SLC15A3: variants seen among roughly 807,000 people sequenced by gnomAD.
SLC15A3 encodes osteoclast transporter.
SLC15A3 carries 39 observed loss-of-function variants against 49.2 expected under a neutral mutation model. The ratio of observed to expected loss-of-function variants is 0.79; its 90% CI spans 0.61 to 1.04. The LOEUF (loss-of-function observed/expected upper bound fraction) is 1.04, where lower values mean the gene tolerates loss of function less well. Among genes scored for constraint, SLC15A3 ranks in the 50% least tolerant of loss-of-function variants. SLC15A3 has a pLI of 0.00. For missense variants in SLC15A3, 758 were observed against 794.8 expected (o/e 0.95, Z 0.56); for synonymous variants, 339 against 367.0 (o/e 0.92, Z 0.87).
At chr11:60,943,982 A>G in intron 2 of SLC15A3, 146 bp from the exon 3 acceptor site, 12 of 723,066 alleles carry the variant, frequency 1.7e-5, no homozygotes, top group Non-Finnish European at 2.2e-5. Flanking sequence ...AGATGATGAA[A>G]CTCCGTCCCT....
chr11:60,938,702 G>A (rs1033053842), intron 6 of SLC15A3, among the ~76,000 whole-genome samples: 1 of 152,002 alleles, frequency 6.6e-6, no homozygotes, highest in African/African-American at 2.4e-5. Context: ...CTTCCCAAAG[G>A]CTTGGGCCTT....
Position 60,951,572 on chromosome 11 carries a change from C to T in SLC15A3, c.-21G>A. 8.8e-7 allele frequency: 1 copy of T among 1,135,966 alleles called. No individual in the cohort carries two copies. Among genetic ancestry groups the T allele is most frequent in the Non-Finnish European group, 1.1e-6 (1 of 926,482 alleles). 70.4% of individuals were successfully genotyped at this position (1,135,966 alleles called of 1,614,324 possible). ...GGCATCCTGGCTCCGGGCTGGGCCC[C>T]CCGCGGCTCTTCTCTCCTCTCCTCT... On this transcript the variant is annotated 5_prime_UTR_variant, in exon 1 of 8. Transcript: ENST00000227880.
intron 2 of SLC15A3, among the ~76,000 whole-genome samples, chr11:60,945,372 A>C (rs1442714778): frequency 6.6e-6 from 1 of 152,198 alleles, no homozygotes; most frequent in Non-Finnish European, 1.5e-5. Flanking sequence ...AAATGACTGC[A>C]ACCCCAGTGC....
Position 60,946,634 on chromosome 11 carries a change from G to A in SLC15A3, c.746C>T (p.Pro249Leu), listed in dbSNP as rs1234049488. The A allele has an allele frequency of 1.2e-6, 2 of 1,614,078 alleles. No homozygotes were observed. Among genetic ancestry groups the A allele is most frequent in the Admixed American group, 1.7e-5 (1 of 60,026 alleles). The change falls in exon 2 of 8, where the codon CCC becomes CTC. Residue 249 changes from proline to leucine, a missense_variant. Physicochemically the swap from Pro to Leu is moderately conservative, Grantham distance 98. Transcript: ENST00000227880. ...CATCGGGGGCTTGGTGATGAAGACG[G>A]GGGTGGCAAAGAGGAAGATGAAAAA... Reference protein sequence around the residue: ...LAFFIFLFATPVFITKPPMGS... With the variant: ...LAFFIFLFATLVFITKPPMGS...
rs549369277 is a variant in SLC15A3, at chr11:60,948,549, A to G, written c.559-1728T>C. 4.2e-3 allele frequency among the ~76,000 whole-genome samples: 555 copies of G among 131,002 alleles called. 2 individuals are homozygous for G. Among genetic ancestry groups the G allele is most frequent in the Non-Finnish European group, 6.9e-3 (442 of 64,172 alleles). The allele number at this position is 131,002 out of a possible 152,430, so 85.9% of individuals were successfully genotyped here. On this transcript the variant is annotated intron_variant, in intron 1 of 7. Coordinates refer to ENST00000227880, the MANE Select transcript of SLC15A3 (RefSeq NM_016582.3). ...ACATCCCCATCTGACTGCCCCCCTG[A>G]ATTCTGCAGCCGCTTCCTGCCTGTT...
rs182999629 is a variant in SLC15A3 at position 60,941,199 on chromosome 11, C to T, written c.1199G>A (p.Arg400Gln). The T allele has an allele frequency of 1.4e-4, 219 of 1,614,132 alleles. No individual in the cohort carries two copies. In the East Asian group the frequency reaches 3.9e-3, roughly 29 times the overall value. ...CAGAGCAGAGGGAAGCAGCTTGCAC[C>T]GCAGCAGTAAAGGGTCGATCAAGCG... ...KDRLIDPLLL[R>Q]CKLLPSALQK... Residue 400 changes from arginine (R) to glutamine (Q), a missense_variant, in exon 5 of 8, where the codon CGG becomes CAG. Physicochemically the swap from Arg to Gln is conservative, Grantham distance 43. Around this residue, in one of 3 missense-constraint regions of SLC15A3, gnomAD observed 699 missense variants for 706.7 expected, o/e 0.99. Transcript: ENST00000227880.
At position 60,943,759 on chromosome 11, in the gene SLC15A3, TTGGCGA is replaced by T. The variant is rs1371750094; in HGVS notation, c.920_925del (p.Ile307_Ala308del). 6.2e-7 allele frequency: 1 copy of T among 1,605,946 alleles called. No homozygotes were observed. Among genetic ancestry groups the T allele is most frequent in the South Asian group, 1.1e-5 (1 of 89,560 alleles). On this transcript the variant is annotated inframe_deletion, in exon 3 of 8. Transcript: ENST00000227880. ...CAAGATCTTCACCAGCACCTGGAAGTTGGCGATGTCCTCTTGCGGGGAAGCCCCTGG... is the reference window on the plus strand; with the variant it reads ...CAAGATCTTCACCAGCACCTGGAAGTTGTCCTCTTGCGGGGAAGCCCCTGG...
rs141758819 is a variant in SLC15A3, at chr11:60,948,437, T to C, written c.559-1616A>G. On this transcript the variant is annotated intron_variant, in intron 1 of 7. Transcript: ENST00000227880. ...CAGATGCTTTGTCGAGAGTGATGGATGGCCCTTTCTGAAATCAGCAAGTAT... is the reference window on the plus strand; with the variant it reads ...CAGATGCTTTGTCGAGAGTGATGGACGGCCCTTTCTGAAATCAGCAAGTAT... Among the ~76,000 whole-genome samples, 672 of 152,334 alleles carry C rather than the reference T, an allele frequency of 4.4e-3. 2 individuals carry two copies. The highest frequency in any genetic ancestry group is 0.015 in the African/African-American group (641 of 41,566).
At position 60,946,606 on chromosome 11, in the gene SLC15A3, GC is replaced by G. The variant is rs1200725934; in HGVS notation, c.773del (p.Gly258AlafsTer57). On this transcript the variant is annotated frameshift_variant, in exon 2 of 8. Coordinates refer to ENST00000227880, the MANE Select transcript of SLC15A3 (RefSeq NM_016582.3). LOFTEE classifies it high-confidence loss of function. ...GCTTAAGCATAGAGGACACTTGGCT[GC>G]CCATCGGGGGCTTGGTGATGAAGAC... Reference protein sequence around the residue: ...TPVFITKPPMGSQVSSMLKLA... With the variant: ...TPVFITKPPMXSQVSSMLKLA... The G allele has an allele frequency of 4.3e-6, 7 of 1,613,374 alleles. No homozygotes were observed. Among genetic ancestry groups the G allele is most frequent in the Non-Finnish European group, 5.9e-6 (7 of 1,179,432 alleles).
chr11:60,943,745 C>T lies in SLC15A3; in HGVS notation c.940G>A (p.Val314Met), dbSNP rs759056487. 12 of 1,605,686 alleles carry T rather than the reference C, an allele frequency of 7.5e-6. No individual in the cohort carries two copies. The highest frequency in any genetic ancestry group is 9.4e-6 in the Non-Finnish European group (11 of 1,175,718). The part of the protein sequence containing the change: ...QEDIANFQVL[V>M]KILPVMVTLV... ...GTCACCATGACGGGCAAGATCTTCA[C>T]CAGCACCTGGAAGTTGGCGATGTCC... Residue 314 changes from valine to methionine, a missense_variant, in exon 3 of 8, where the codon GTG (valine) becomes ATG (methionine). Val to Met is a conservative substitution (Grantham distance 21). Transcript: ENST00000227880.
rs1168192519 is a variant in SLC15A3, at chr11:60,942,059, C to T, written c.1083G>A (p.Leu361=). The change falls in exon 4 of 8, where the codon CTG becomes CTA. Residue 361 remains leucine, a synonymous_variant. Transcript: ENST00000227880. ...CCGTGTAGCTGCTGCCCTGGGCTCT[C>T]AGGGCCACAGAGATGTTGGCCGGGT... ...PANPANISVA[L]RAQGSSYTIP... The T allele has an allele frequency of 4.3e-6, 7 of 1,614,020 alleles. No individual in the cohort carries two copies. The highest frequency in any genetic ancestry group is 5.9e-6 in the Non-Finnish European group (7 of 1,180,008).
intron 4 of SLC15A3, 170 bp downstream of exon 4, chr11:60,941,865 A>G (rs1590637575): frequency 1.5e-6 from 1 of 646,594 alleles, no homozygotes; most frequent in East Asian, 2.7e-5. Context: ...TCTTGGCAGG[A>G]TCCCTGCGCT....
chr11:60,937,997 C>G lies in SLC15A3; in HGVS notation c.1464G>C (p.Pro488=), dbSNP rs757007385. ...PGLEFAYSEA[P]RSMQGAIMGI... The stretch of plus-strand genomic sequence containing the variant: ...CCATGATGGCGCCCTGCATGGAGCG[C>G]GGGGCCTCTGAGTAGGCAAACTCCA... Residue 488 remains proline (P), a synonymous_variant, in exon 7 of 8, where the codon CCG becomes CCC. Transcript: ENST00000227880. 2 of 1,613,992 alleles carry G rather than the reference C, an allele frequency of 1.2e-6. No homozygotes were observed. Among genetic ancestry groups the G allele is most frequent in the African/African-American group, 2.7e-5 (2 of 75,058 alleles).
intron 2 of SLC15A3, among the ~76,000 whole-genome samples, chr11:60,944,778 A>G (rs1041783506): frequency 1.2e-4 from 19 of 152,118 alleles, no homozygotes; most frequent in African/African-American, 4.6e-4. Flanking sequence ...TAGAGAGTGG[A>G]GAGGTGGGGG....
At chr11:60,946,351 A>G (rs1226310787) in intron 2 of SLC15A3, among the ~76,000 whole-genome samples, 181 bp downstream of exon 2, 2 of 152,064 alleles carry the variant, frequency 1.3e-5, no homozygotes, top group African/African-American at 4.8e-5. Flanking sequence ...CACTACCACC[A>G]CTACCTTGAC....
chr11:60,944,431 A>G (rs1047335688), intron 2 of SLC15A3, among the ~76,000 whole-genome samples: 7 of 151,752 alleles, frequency 4.6e-5, no homozygotes, highest in Admixed American at 2.6e-4. Context: ...CATTCACATC[A>G]CCATCACTCT....
chr11:60,941,246 C>T lies in SLC15A3; in HGVS notation c.1152G>A (p.Leu384=). The change falls in exon 5 of 8, where the codon CTG becomes CTA. Residue 384 remains leucine (L), a synonymous_variant. Transcript: ENST00000227880. ...WLLLANVVVV[L]ILVPLKDRLI... ...AGCGGTCCTTCAGAGGGACCAGAAT[C>T]AGCACCACCACAACATTGGCCAGGA... The T allele has an allele frequency of 6.2e-7, 1 of 1,614,128 alleles. No homozygotes were observed.
At chr11:60,939,378 C>T in intron 6 of SLC15A3, 102 bp downstream of exon 6, 1 of 1,387,256 alleles carries the variant, frequency 7.2e-7, no homozygotes, top group Non-Finnish European at 9.9e-7. Flanking sequence ...TTCCTCCATG[C>T]AGATGGGCCC....
chr11:60,948,260 G>A (rs995227710), intron 1 of SLC15A3, among the ~76,000 whole-genome samples: 10 of 152,136 alleles, frequency 6.6e-5, no homozygotes, highest in Non-Finnish European at 1.0e-4. Flanking sequence ...GATAATTCTC[G>A]CTCTAGACTT....
Sources: gnomAD v4.1 joint callset for allele counts (sites outside exome capture counted in the v4.1 genomes callset) on GRCh38, gnomAD v4.1.1 for gene constraint, gnomAD v4.1.1 regional missense constraint, MANE v1.5 for transcripts, NCBI Gene and HGNC (gene_info 2026-07-23, HGNC 2026-07-21) for gene names.